The following SMG6 variants were observed in gnomAD, a reference collection of about 807,000 sequenced individuals.
SMG6 encodes telomerase-binding protein EST1A.
Under a neutral mutation model 142.2 loss-of-function variants are expected in SMG6, and 66 were observed. The observed-to-expected ratio is 0.46, with a 90% confidence interval of 0.38 to 0.57. The LOEUF (loss-of-function observed/expected upper bound fraction) is 0.57. Ranked by LOEUF, SMG6 falls within the 20% of genes least tolerant of loss-of-function variation. The pLI, the probability that SMG6 is intolerant of heterozygous loss-of-function variation, is 0.00. For missense variants in SMG6, 1,793 were observed against 1,832.0 expected (o/e 0.98, Z 0.39); for synonymous variants, 779 against 702.4 (o/e 1.11, Z -1.72).
At chr17:2,236,927 T>A in intron 9 of SMG6, 1 of 803,848 alleles carries the variant, frequency 1.2e-6, no homozygotes, top group African/African-American at 1.8e-5. Context: ...TCCTCACCCC[T>A]GGCAATAACT....
intron 8 of SMG6, among the ~76,000 whole-genome samples, chr17:2,264,808 G>A (rs910966201): frequency 3.3e-5 from 5 of 151,804 alleles, no homozygotes; most frequent in Admixed American, 6.6e-5. Context: ...AGGCTGGGAG[G>A]GGAGGATTGC....
chr17:2,210,446 C>G (rs2072816660), intron 10 of SMG6, among the ~76,000 whole-genome samples: 1 of 151,894 alleles, frequency 6.6e-6, no homozygotes, highest in Non-Finnish European at 1.5e-5. Flanking sequence ...TTTGAATAAA[C>G]TTGCGATTCC....
Position 2,249,440 on chromosome 17 carries a change from G to A in SMG6, c.2662-4721C>T, listed in dbSNP as rs535252287. Among the ~76,000 whole-genome samples, 22 of 152,202 alleles carry A rather than the reference G, an allele frequency of 1.4e-4. 1 individual carries two copies. The South Asian group carries it at 3.9e-3, about 27-fold the overall frequency. ...CCCGCAAAGTGCTAAGATTATAGGC[G>A]CATACCAATGTGCAGGGCTAATTTA... On this transcript the variant is annotated intron_variant, in intron 8 of 18. Coordinates refer to ENST00000263073, the MANE Select transcript of SMG6 (RefSeq NM_017575.5).
At chr17:2,293,662 G>T (rs2075088262) in intron 4 of SMG6, among the ~76,000 whole-genome samples, 1 of 152,172 alleles carries the variant, frequency 6.6e-6, no homozygotes, top group South Asian at 2.1e-4. Flanking sequence ...TAGAGACAGG[G>T]TTTCGCCATG....
At position 2,071,029 on chromosome 17, in the gene SMG6, C is replaced by T. The variant is rs2068085359; in HGVS notation, c.3682-2098G>A. Among the ~76,000 whole-genome samples the T allele has an allele frequency of 6.6e-6, 1 of 152,240 alleles. No homozygotes were observed. The highest frequency in any genetic ancestry group is 1.9e-4 in the East Asian group (1 of 5,198). ...TCTAGCTCTTCTGTTGCCAGGCATG[C>T]TCTCCTGGTACCGTGGCTCTCAAAT... is the stretch of plus-strand genomic sequence containing the variant. On this transcript the variant is annotated intron_variant, in intron 15 of 18. Coordinates refer to ENST00000263073, the MANE Select transcript of SMG6 (RefSeq NM_017575.5). The surrounding 1 kb of genome is among the most constrained non-coding windows in gnomAD (Gnocchi z 5.6).
At chr17:2,278,601 C>T (rs1201163532) in intron 8 of SMG6, among the ~76,000 whole-genome samples, 1 of 152,064 alleles carries the variant, frequency 6.6e-6, no homozygotes, top group East Asian at 1.9e-4. Context: ...AAATTTGTTC[C>T]AGTACTGGAA....
chr17:2,223,038 C>A (rs1334077591), intron 10 of SMG6, among the ~76,000 whole-genome samples: 1 of 152,132 alleles, frequency 6.6e-6, no homozygotes, highest in East Asian at 1.9e-4. Context: ...CAAAGAAGTC[C>A]CTGGTGAGCT....
At chr17:2,123,752 TTGGA>T (rs1033831838) in intron 13 of SMG6, among the ~76,000 whole-genome samples, 24 of 152,180 alleles carry the variant, frequency 1.6e-4, no homozygotes, top group African/African-American at 5.8e-4. Context: ...GGTGTGGATC[TTGGA>T]TGGAGTGCAG....
intron 12 of SMG6, among the ~76,000 whole-genome samples, chr17:2,176,136 CT>C: frequency 6.6e-6 from 1 of 152,326 alleles, no homozygotes; most frequent in East Asian, 1.9e-4. Flanking sequence ...GCAACATCAC[CT>C]CAGCTTACCC....
Position 2,066,341 on chromosome 17 carries a change from C to T in SMG6, c.3836-662G>A, listed in dbSNP as rs143559710. Among the ~76,000 whole-genome samples the T allele has an allele frequency of 4.6e-3, 689 of 149,140 alleles. 3 individuals are homozygous for T. Among genetic ancestry groups the T allele is most frequent in the Admixed American group, 6.4e-3 (96 of 14,938 alleles). ...GTGTGTACATGTGTGTATGTGTATG[C>T]GTGTATGTGTGTACATGTGTGTATA... On this transcript the variant is annotated intron_variant, in intron 16 of 18. Transcript: ENST00000263073.
chr17:2,166,751 T>C (rs2071349707), intron 13 of SMG6, among the ~76,000 whole-genome samples: 1 of 152,206 alleles, frequency 6.6e-6, no homozygotes, highest in African/African-American at 2.4e-5. Context: ...GGGCCACTGC[T>C]CCTGACCTTC....
chr17:2,129,652 G>A (rs2070034319), intron 13 of SMG6, among the ~76,000 whole-genome samples: 1 of 151,620 alleles, frequency 6.6e-6, no homozygotes, highest in Non-Finnish European at 1.5e-5. Flanking sequence ...AAATCAGCCT[G>A]GCGTGGTGGT....
In SMG6 at chr17:2,297,250, C is replaced by A. The variant is rs754940772; in HGVS notation, c.2144G>T (p.Arg715Leu). Residue 715 changes from arginine to leucine, a missense_variant, in exon 4 of 19, where the codon CGC becomes CTC. Arg to Leu is a moderately radical substitution (Grantham distance 102). Coordinates refer to ENST00000263073, the MANE Select transcript of SMG6 (RefSeq NM_017575.5). ...DGLAIRSKPLRKTVKYALISA... is the reference protein window; with the variant it reads ...DGLAIRSKPLLKTVKYALISA... ...ATAAAGAAGGTAGCTTACTGTCTTGCGTAATGGCTTGCTGCGAATGGCAAG... is the reference window on the plus strand; with the variant it reads ...ATAAAGAAGGTAGCTTACTGTCTTGAGTAATGGCTTGCTGCGAATGGCAAG... 37 of 1,600,698 alleles carry A rather than the reference C, an allele frequency of 2.3e-5. No homozygotes were observed. The highest frequency in any genetic ancestry group is 3.1e-5 in the Non-Finnish European group (36 of 1,174,976).
chr17:2,092,992 C>T lies in SMG6; in HGVS notation c.3358-7091G>A, dbSNP rs151237940. On this transcript the variant is annotated intron_variant, in intron 13 of 18. Coordinates refer to ENST00000263073, the MANE Select transcript of SMG6 (RefSeq NM_017575.5). ...AGTGGATCACCTGCGGTCAGGAGTC[C>T]GAGATCAGCCCGGCCAACATGGTGA... Among the ~76,000 whole-genome samples the T allele has an allele frequency of 9.5e-4, 145 of 152,194 alleles. 1 individual carries two copies. The highest frequency in any genetic ancestry group is 2.2e-3 in the Admixed American group (33 of 15,296).
intron 13 of SMG6, among the ~76,000 whole-genome samples, chr17:2,098,825 T>G (rs1323702130): frequency 6.6e-6 from 1 of 152,084 alleles, no homozygotes; most frequent in East Asian, 1.9e-4. Flanking sequence ...GAGACGGAGC[T>G]TCCCCATGTT....
chr17:2,083,170 T>C (rs946994394), intron 14 of SMG6, among the ~76,000 whole-genome samples: 1 of 152,148 alleles, frequency 6.6e-6, no homozygotes, highest in Non-Finnish European at 1.5e-5. Context: ...GATCCAGCCC[T>C]CAGTGGCTCA....
chr17:2,161,051 T>G (rs1361010573), intron 13 of SMG6, among the ~76,000 whole-genome samples: 4 of 151,652 alleles, frequency 2.6e-5, no homozygotes, highest in Non-Finnish European at 5.9e-5. Context: ...TATGTATGTA[T>G]GTAGGTAGGT....
At chr17:2,252,737 G>A (rs966482991) in intron 8 of SMG6, among the ~76,000 whole-genome samples, 1 of 151,998 alleles carries the variant, frequency 6.6e-6, no homozygotes, top group East Asian at 1.9e-4. Flanking sequence ...CCTCAAGGAC[G>A]AGAGAGGGGC....
intron 1 of SMG6, among the ~76,000 whole-genome samples, chr17:2,302,292 C>G (rs1325062113): frequency 6.6e-6 from 1 of 151,662 alleles, no homozygotes; most frequent in Non-Finnish European, 1.5e-5. Context: ...GCCTGTAATC[C>G]CAGCACTTTG....
Sources: allele counts gnomAD v4.1 joint callset (sites outside exome capture counted in the v4.1 genomes callset), GRCh38; gene constraint gnomAD v4.1.1; non-coding constraint Gnocchi (gnomAD v3.1); transcripts MANE v1.5; gene names NCBI Gene and HGNC (gene_info 2026-07-23, HGNC 2026-07-21).